HDAC9: variants seen among roughly 807,000 people sequenced by gnomAD.
The protein encoded by HDAC9 is MEF-2 interacting transcription repressor (MITR) protein.
A neutral mutation model predicts 139.4 loss-of-function variants in HDAC9; 41 were observed. That is an observed-to-expected ratio of 0.29 (90% CI 0.23 to 0.38). HDAC9 has a LOEUF of 0.38. HDAC9 is among the 10% of genes least tolerant of loss of function. The pLI is 1.00. For synonymous variants in HDAC9, 517 were observed against 476.2 expected, an observed-to-expected ratio of 1.09 and a Z score of -1.12; for missense variants, 1,147 against 1,297.0, an observed-to-expected ratio of 0.88 and a Z score of 1.78.
intron 22 of HDAC9, among the ~76,000 whole-genome samples, chr7:18,893,408 C>G (rs1800871397): frequency 6.6e-6 from 1 of 152,122 alleles, no homozygotes; most frequent in Non-Finnish European, 1.5e-5. Flanking sequence ...GTGACTAATT[C>G]AATTCACAGG....
chr7:18,656,047 C>CTTT (rs537627975), intron 11 of HDAC9, among the ~76,000 whole-genome samples: 31 of 137,632 alleles, frequency 2.3e-4, no homozygotes, highest in African/African-American at 5.0e-4. Flanking sequence ...GTAGCAGTCT[C>CTTT]TTTTTTTTTT....
chr7:18,319,504 A>G (rs1221654260), intron 1 of HDAC9, among the ~76,000 whole-genome samples: 2 of 152,196 alleles, frequency 1.3e-5, no homozygotes, highest in African/African-American at 4.8e-5. Flanking sequence ...AATAAGTCAA[A>G]CAAATCTGCT....
chr7:18,199,888 C>A (rs778851490), intron 2 of HDAC9, among the ~76,000 whole-genome samples: 1 of 151,812 alleles, frequency 6.6e-6, no homozygotes, highest in Non-Finnish European at 1.5e-5. Flanking sequence ...TATGATCACA[C>A]CACTGCCCTC....
At position 18,980,162 on chromosome 7, in the gene HDAC9, A is replaced by G. The variant is rs184787747; in HGVS notation, c.3170+4209A>G. Among the ~76,000 whole-genome samples, 7 of 152,128 alleles carry G rather than the reference A, an allele frequency of 4.6e-5. No homozygotes were observed. In the East Asian group the frequency reaches 5.8e-4, roughly 13 times the overall value. ...TCTCTATTTTCCCAACGTGTCTAAC[A>G]TGTGGTCTTGAGGTGCATGTGAAGT... On this transcript the variant is annotated intron_variant, in intron 25 of 25. Coordinates refer to ENST00000686413, the MANE Select transcript of HDAC9 (RefSeq NM_178425.4).
At chr7:18,710,209 A>G (rs1784244614) in intron 12 of HDAC9, among the ~76,000 whole-genome samples, 1 of 151,892 alleles carries the variant, frequency 6.6e-6, no homozygotes, top group South Asian at 2.1e-4. Flanking sequence ...GATTCAGTTA[A>G]CTCTCCCCAA....
intron 2 of HDAC9, among the ~76,000 whole-genome samples, chr7:18,521,390 C>T (rs1411802095): frequency 6.6e-6 from 1 of 152,084 alleles, no homozygotes; most frequent in Non-Finnish European, 1.5e-5. Flanking sequence ...CGTTTTATTT[C>T]CCAAGGGAGA....
At chr7:18,377,555 T>A (rs144566749) in intron 1 of HDAC9, among the ~76,000 whole-genome samples, 2 of 152,306 alleles carry the variant, frequency 1.3e-5, no homozygotes, top group East Asian at 3.9e-4. Flanking sequence ...ATGTTGAAGC[T>A]AAAATAAAGA....
intron 1 of HDAC9, among the ~76,000 whole-genome samples, chr7:18,123,941 A>C (rs1784506958): frequency 6.6e-6 from 1 of 152,218 alleles, no homozygotes; most frequent in Non-Finnish European, 1.5e-5. Flanking sequence ...TGTACATAAC[A>C]ACCTCCTAAA....
intron 1 of HDAC9, among the ~76,000 whole-genome samples, chr7:18,333,338 A>G (rs1581987): frequency 1.3e-5 from 2 of 151,664 alleles, no homozygotes; most frequent in South Asian, 2.1e-4. Context: ...GATCTCATGT[A>G]CAACATGAGG....
intron 1 of HDAC9, among the ~76,000 whole-genome samples, chr7:18,390,755 T>G (rs1445011741): frequency 6.6e-6 from 1 of 152,186 alleles, no homozygotes; most frequent in Non-Finnish European, 1.5e-5. Context: ...TGTCCCCAGC[T>G]TCTCTGTGAA....
At chr7:18,190,344 T>C (rs1790254663) in intron 2 of HDAC9, among the ~76,000 whole-genome samples, 1 of 152,228 alleles carries the variant, frequency 6.6e-6, no homozygotes, top group Non-Finnish European at 1.5e-5. Context: ...TATGTGTATA[T>C]GTGTACATAA....
chr7:18,991,828 A>G (rs1237233559), intron 25 of HDAC9, among the ~76,000 whole-genome samples: 1 of 152,228 alleles, frequency 6.6e-6, no homozygotes, highest in Non-Finnish European at 1.5e-5. Flanking sequence ...TGTTTTACAT[A>G]TATTAGATGG....
At chr7:18,492,272 G>A (rs1442733793), upstream of HDAC9, among the ~76,000 whole-genome samples, 1 of 151,840 alleles carries the variant, frequency 6.6e-6, no homozygotes, top group Non-Finnish European at 1.5e-5. Flanking sequence ...ATGGCATGTG[G>A]GATTGTGTCT....
chr7:18,170,166 A>G (rs1788314310), intron 2 of HDAC9, among the ~76,000 whole-genome samples: 1 of 152,136 alleles, frequency 6.6e-6, no homozygotes, highest in Admixed American at 6.5e-5. Context: ...CTGGTGTGAG[A>G]TGGTATCTCA....
intron 2 of HDAC9, among the ~76,000 whole-genome samples, chr7:18,217,555 G>A (rs968068632): frequency 6.6e-6 from 1 of 151,968 alleles, no homozygotes; most frequent in Non-Finnish European, 1.5e-5. Flanking sequence ...CTAATTTACT[G>A]TAACTGGAAC....
intron 1 of HDAC9, among the ~76,000 whole-genome samples, chr7:18,113,261 T>C (rs1783750086): frequency 6.6e-6 from 1 of 152,092 alleles, no homozygotes; most frequent in Non-Finnish European, 1.5e-5. Flanking sequence ...GATTAAGAGG[T>C]GAATACTATG....
At chr7:18,181,238 T>C (rs1162856786) in intron 2 of HDAC9, among the ~76,000 whole-genome samples, 2 of 152,236 alleles carry the variant, frequency 1.3e-5, no homozygotes, top group African/African-American at 4.8e-5. Context: ...TTGTAATTGC[T>C]ATTCATTTCA....
chr7:18,284,645 C>G (rs1797319992), intron 2 of HDAC9, among the ~76,000 whole-genome samples: 1 of 152,036 alleles, frequency 6.6e-6, no homozygotes, highest in African/African-American at 2.4e-5. Flanking sequence ...GCCGATTTAT[C>G]TAATCTTTGG....
In HDAC9 at chr7:18,860,252, G is replaced by C. The variant is rs111428345; in HGVS notation, c.2685-14226G>C. On this transcript the variant is annotated intron_variant, in intron 21 of 25. Transcript: ENST00000686413. ...GGGAAATTTACTAATGACTTGGGTA[G>C]ACATTTTTCCTGCTATGTGCCCAAC... 3.8e-3 allele frequency among the ~76,000 whole-genome samples: 576 copies of C among 152,020 alleles called. 3 individuals are homozygous for C. Among genetic ancestry groups the C allele is most frequent in the African/African-American group, 0.013 (543 of 41,476 alleles).
Sources: gnomAD v4.1 joint callset for allele counts (sites outside exome capture counted in the v4.1 genomes callset) on GRCh38, gnomAD v4.1.1 for gene constraint, MANE v1.5 for transcripts, NCBI Gene and HGNC (gene_info 2026-07-23, HGNC 2026-07-21) for gene names.